The following MAPKAP1 variants were observed in gnomAD, a reference collection of about 807,000 sequenced individuals.
The protein encoded by MAPKAP1 is target of rapamycin complex 2 subunit MAPKAP1.
MAPKAP1 carries 20 observed loss-of-function variants against 65.7 expected under a neutral mutation model. That is an observed-to-expected ratio of 0.30 (90% CI 0.21 to 0.44). The LOEUF (loss-of-function observed/expected upper bound fraction) is 0.44. Among genes scored for constraint, MAPKAP1 ranks in the 20% least tolerant of loss-of-function variants. MAPKAP1 has a pLI of 1.00. For synonymous variants in MAPKAP1, 222 were observed against 244.3 expected, an observed-to-expected ratio of 0.91 and a Z score of 0.85; for missense variants, 423 against 648.0, an observed-to-expected ratio of 0.65 and a Z score of 3.77.
At chr9:125,450,559 T>G (rs1364772239) in intron 10 of MAPKAP1, among the ~76,000 whole-genome samples, 1 of 152,234 alleles carries the variant, frequency 6.6e-6, no homozygotes, top group Non-Finnish European at 1.5e-5. Flanking sequence ...TGGGTCATGT[T>G]GCTATCTCTG....
Position 125,595,743 on chromosome 9 carries a change from C to T in MAPKAP1, c.499-10016G>A. ...ATTGGAGGGTTGAGCTTTGAAACAA[C>T]CAATGAGAGCAAGAGGAGCCATTGT... On this transcript the variant is annotated intron_variant, in intron 4 of 11. Coordinates refer to ENST00000265960, the MANE Select transcript of MAPKAP1 (RefSeq NM_001006617.3). The surrounding 1 kb of genome is among the most constrained non-coding windows in gnomAD (Gnocchi z 4.0). 6.9e-7 allele frequency: 1 copy of T among 1,450,274 alleles called. No individual in the cohort carries two copies. Among genetic ancestry groups the T allele is most frequent in the South Asian group, 1.2e-5 (1 of 86,690 alleles). The allele number at this position is 1,450,274 out of a possible 1,614,324, so 89.8% of individuals were successfully genotyped here. A position where few individuals can be genotyped will look rare whatever the true frequency, so the allele number is the denominator to read the frequency against.
intron 5 of MAPKAP1, among the ~76,000 whole-genome samples, chr9:125,561,021 A>G (rs1272731628): frequency 6.6e-6 from 1 of 152,264 alleles, no homozygotes; most frequent in Non-Finnish European, 1.5e-5. Flanking sequence ...CTTCAGAAGC[A>G]GGAACCCAAT....
At chr9:125,573,980 A>G (rs1159773606) in intron 5 of MAPKAP1, among the ~76,000 whole-genome samples, 2 of 152,232 alleles carry the variant, frequency 1.3e-5, no homozygotes, top group African/African-American at 4.8e-5. Context: ...GAATTCCTGA[A>G]AGCGAGACCA....
rs1188676819 is a variant in MAPKAP1 at position 125,459,768 on chromosome 9, C to T, written c.1345+8204G>A. Among the ~76,000 whole-genome samples the T allele has an allele frequency of 2.0e-5, 3 of 147,044 alleles. No individual in the cohort carries two copies. In the East Asian group the frequency reaches 5.8e-4, roughly 29 times the overall value. ...GCAGTGAGCCGAGATGGCAGCAGTA[C>T]AGTCCAGCTTCGGCTCGGCATCAGA... On this transcript the variant is annotated intron_variant, in intron 10 of 11. Coordinates refer to ENST00000265960, the MANE Select transcript of MAPKAP1 (RefSeq NM_001006617.3).
At chr9:125,440,777 G>A (rs576289651) in intron 11 of MAPKAP1, among the ~76,000 whole-genome samples, 2 of 152,356 alleles carry the variant, frequency 1.3e-5, no homozygotes, top group East Asian at 3.9e-4. Context: ...GAGGACCGCA[G>A]GGCCAGGTTG....
At chr9:125,588,808 C>T (rs1245245265) in intron 4 of MAPKAP1, among the ~76,000 whole-genome samples, 2 of 152,174 alleles carry the variant, frequency 1.3e-5, no homozygotes, top group Admixed American at 1.3e-4. Context: ...ATCCAAACTC[C>T]CTGCAACATC....
intron 10 of MAPKAP1, among the ~76,000 whole-genome samples, chr9:125,458,232 T>C (rs1196368972): frequency 1.3e-5 from 2 of 151,958 alleles, no homozygotes; most frequent in East Asian, 3.9e-4. Flanking sequence ...TTTTTTTTTT[T>C]TTAATTGATC....
intron 10 of MAPKAP1, among the ~76,000 whole-genome samples, chr9:125,465,193 ACT>A (rs1428191487): frequency 6.6e-6 from 1 of 152,030 alleles, no homozygotes; most frequent in Non-Finnish European, 1.5e-5. Flanking sequence ...CTACTTCTAG[ACT>A]CTCTCTCTTT....
At chr9:125,629,208 T>A (rs759560220) in intron 4 of MAPKAP1, among the ~76,000 whole-genome samples, 7 of 152,268 alleles carry the variant, frequency 4.6e-5, no homozygotes, top group Non-Finnish European at 1.0e-4. Context: ...CTCAAAAAAT[T>A]ACAAATTGCA....
intron 4 of MAPKAP1, among the ~76,000 whole-genome samples, chr9:125,589,437 T>A (rs1831887655): frequency 6.6e-6 from 1 of 152,176 alleles, no homozygotes; most frequent in African/African-American, 2.4e-5. Context: ...GGAAAAAATC[T>A]GTTGAACTAC....
chr9:125,440,025 C>T (rs1318469351), intron 11 of MAPKAP1, among the ~76,000 whole-genome samples: 2 of 152,158 alleles, frequency 1.3e-5, no homozygotes, highest in African/African-American at 2.4e-5. Flanking sequence ...AGCAGGGGCA[C>T]GCCACAAGGG....
chr9:125,471,026 C>T (rs940414951), intron 9 of MAPKAP1: 1 of 152,152 alleles, frequency 6.6e-6, no homozygotes, highest in Admixed American at 6.5e-5. Flanking sequence ...TTTAAAGAAA[C>T]CTGTAGGGGA....
chr9:125,607,814 C>A (rs1245304500), intron 4 of MAPKAP1, among the ~76,000 whole-genome samples: 1 of 152,200 alleles, frequency 6.6e-6, no homozygotes, highest in Non-Finnish European at 1.5e-5. Flanking sequence ...TGCCACCACA[C>A]CCAGCTAATT....
intron 1 of MAPKAP1, among the ~76,000 whole-genome samples, chr9:125,674,524 CTTATAACACCAGA>C (rs1269485686): frequency 6.6e-6 from 1 of 152,130 alleles, no homozygotes; most frequent in Non-Finnish European, 1.5e-5. Flanking sequence ...TTCAGAAGGA[CTTATAACACCAGA>C]TTTTCTTGTA....
intron 9 of MAPKAP1, 136 bp downstream of exon 9, chr9:125,484,306 AT>A: frequency 1.1e-6 from 1 of 892,670 alleles, no homozygotes; most frequent in Non-Finnish European, 1.6e-6. Context: ...TTCAAATTCC[AT>A]TGTTTAAACA....
At chr9:125,706,859 G>C in intron 1 of MAPKAP1, 112 bp downstream of exon 1, 1 of 355,698 alleles carries the variant, frequency 2.8e-6, no homozygotes, top group Admixed American at 4.7e-5. Context: ...ACAAGGGCCC[G>C]GCAGGCGGCC....
chr9:125,579,006 C>T (rs940832888), intron 5 of MAPKAP1, among the ~76,000 whole-genome samples: 6 of 152,064 alleles, frequency 3.9e-5, no homozygotes, highest in African/African-American at 1.4e-4. Flanking sequence ...TTTCATAGTC[C>T]ACATTTTCTG....
chr9:125,474,654 C>A (rs1398655123), intron 9 of MAPKAP1, among the ~76,000 whole-genome samples: 1 of 152,162 alleles, frequency 6.6e-6, no homozygotes, highest in Non-Finnish European at 1.5e-5. Context: ...GGAGGTACAA[C>A]CTCCCCTATG....
chr9:125,524,231 G>T (rs911101343), intron 7 of MAPKAP1, among the ~76,000 whole-genome samples: 54 of 152,248 alleles, frequency 3.5e-4, no homozygotes, highest in Middle Eastern at 3.4e-3. Context: ...CAGTGATGGT[G>T]GGGTCAAGCA....
Sources: allele counts gnomAD v4.1 joint callset (sites outside exome capture counted in the v4.1 genomes callset), GRCh38; gene constraint gnomAD v4.1.1; non-coding constraint Gnocchi (gnomAD v3.1); transcripts MANE v1.5; gene names NCBI Gene and HGNC (gene_info 2026-07-23, HGNC 2026-07-21).